Variants in CCDC192 observed in about 807,000 individuals in gnomAD.
The protein encoded by CCDC192 is coiled-coil domain containing 192, also known as coiled-coil domain-containing protein 192.
intron 5 of CCDC192, among the ~76,000 whole-genome samples, chr5:127,862,230 G>T (rs2127106930): frequency 6.6e-6 from 1 of 152,250 alleles, no homozygotes; most frequent in African/African-American, 2.4e-5. Context: ...TCTCTCTCAA[G>T]CTGAAACTGG....
At chr5:127,902,819 G>A (rs984535268) in intron 6 of CCDC192, among the ~76,000 whole-genome samples, 2 of 152,194 alleles carry the variant, frequency 1.3e-5, no homozygotes, top group Admixed American at 6.5e-5. Context: ...GTACCCTAGT[G>A]CTTCAGCAAT....
intron 5 of CCDC192, among the ~76,000 whole-genome samples, chr5:127,799,597 A>G (rs1716818580): frequency 6.6e-6 from 1 of 152,192 alleles, no homozygotes; most frequent in African/African-American, 2.4e-5. Context: ...GGGCAAATGT[A>G]TTCACTAAAG....
chr5:127,939,243 G>A (rs1055513188), intron 6 of CCDC192, among the ~76,000 whole-genome samples: 14 of 143,200 alleles, frequency 9.8e-5, no homozygotes, highest in Admixed American at 8.1e-4. Flanking sequence ...TCAGCCTCCC[G>A]AGTAGCTGGG....
intron 6 of CCDC192, among the ~76,000 whole-genome samples, chr5:127,909,301 A>G (rs776776364): frequency 1.5e-4 from 23 of 152,114 alleles, no homozygotes; most frequent in Non-Finnish European, 2.8e-4. Context: ...AAGTAGGAGC[A>G]CTTCTGTTTC....
chr5:127,884,613 C>A (rs1359617594), intron 6 of CCDC192, among the ~76,000 whole-genome samples: 1 of 152,000 alleles, frequency 6.6e-6, no homozygotes, highest in East Asian at 1.9e-4. Flanking sequence ...TTACTGCGGC[C>A]AAGGCAATGG....
chr5:127,899,965 C>G (rs1259953730), intron 6 of CCDC192, among the ~76,000 whole-genome samples: 1 of 152,168 alleles, frequency 6.6e-6, no homozygotes, highest in Non-Finnish European at 1.5e-5. Flanking sequence ...AGAAAACTGC[C>G]AAGCTGATTC....
intron 2 of CCDC192, among the ~76,000 whole-genome samples, chr5:127,717,588 G>T (rs1182985661): frequency 6.6e-6 from 1 of 151,802 alleles, no homozygotes; most frequent in South Asian, 2.1e-4. Flanking sequence ...TGCTGCAATT[G>T]ACTAAATTCT....
At chr5:127,903,512 G>T (rs1753110848) in intron 6 of CCDC192, among the ~76,000 whole-genome samples, 1 of 152,124 alleles carries the variant, frequency 6.6e-6, no homozygotes, top group African/African-American at 2.4e-5. Context: ...CAAAGTGCTG[G>T]GATTACAGGG....
intron 3 of CCDC192, among the ~76,000 whole-genome samples, chr5:127,772,466 C>CAA (rs34089281): frequency 1.2e-4 from 8 of 67,706 alleles, no homozygotes; most frequent in African/African-American, 1.6e-4. Context: ...GACTCTGTCA[C>CAA]AAAAAAAAAA....
At chr5:127,810,109 G>A (rs1428342930) in intron 5 of CCDC192, among the ~76,000 whole-genome samples, 5 of 152,310 alleles carry the variant, frequency 3.3e-5, no homozygotes, top group African/African-American at 4.8e-5. Context: ...GCCACTTTAA[G>A]TTTGCTAGTT....
chr5:127,800,168 A>G (rs924972072), intron 5 of CCDC192, among the ~76,000 whole-genome samples: 2 of 151,384 alleles, frequency 1.3e-5, no homozygotes, highest in Admixed American at 6.6e-5. Flanking sequence ...TCTATCTCCA[A>G]CCTCCTTTTC....
intron 5 of CCDC192, among the ~76,000 whole-genome samples, chr5:127,857,223 T>C (rs1307378872): frequency 6.6e-6 from 1 of 152,182 alleles, no homozygotes; most frequent in African/African-American, 2.4e-5. Context: ...CAGTGATCCT[T>C]ACATAGGGTT....
intron 1 of CCDC192, among the ~76,000 whole-genome samples, chr5:127,706,527 A>G (rs893968835): frequency 6.9e-6 from 1 of 145,582 alleles, no homozygotes; most frequent in African/African-American, 2.7e-5. Flanking sequence ...CCATCTCAGA[A>G]AAAAAAAAAA....
chr5:127,844,265 C>T (rs1750428088), intron 5 of CCDC192, among the ~76,000 whole-genome samples: 1 of 152,214 alleles, frequency 6.6e-6, no homozygotes, highest in South Asian at 2.1e-4. Context: ...ATACCTGAAG[C>T]TGTGCTAGCT....
At chr5:127,714,660 A>C (rs904714822) in intron 2 of CCDC192, among the ~76,000 whole-genome samples, 1 of 152,134 alleles carries the variant, frequency 6.6e-6, no homozygotes, top group African/African-American at 2.4e-5. Context: ...ATGAGCCACT[A>C]CGCCTGGCCA....
chr5:127,772,842 T>A lies in CCDC192; in HGVS notation c.222+18467T>A, dbSNP rs571257578. On this transcript the variant is annotated intron_variant, in intron 3 of 6. Transcript: ENST00000514853. ...AAGTTGGGTTTTAGTTAGCAAGAGA[T>A]AAAGGGGGAAAAAGACTCATGGGAA... Among the ~76,000 whole-genome samples the A allele has an allele frequency of 2.6e-5, 4 of 152,050 alleles. No individual in the cohort carries two copies. The East Asian group carries it at 7.7e-4, about 29-fold the overall frequency.
chr5:127,886,188 G>C (rs754776500), intron 6 of CCDC192, among the ~76,000 whole-genome samples: 5 of 152,170 alleles, frequency 3.3e-5, no homozygotes, highest in African/African-American at 1.2e-4. Context: ...GCCATGCCAA[G>C]CTATCATCTG....
At chr5:127,835,600 G>A (rs547454602) in intron 5 of CCDC192, among the ~76,000 whole-genome samples, 1 of 152,280 alleles carries the variant, frequency 6.6e-6, no homozygotes, top group African/African-American at 2.4e-5. Flanking sequence ...AGGTTTAATT[G>A]ACTCACAGTT....
chr5:127,714,624 C>T (rs1751520263), intron 2 of CCDC192, among the ~76,000 whole-genome samples: 4 of 152,180 alleles, frequency 2.6e-5, no homozygotes, highest in Admixed American at 2.6e-4. Flanking sequence ...TCTGCCTTGG[C>T]TTCCCAAATT....
Sources: gnomAD v4.1 joint callset for allele counts (sites outside exome capture counted in the v4.1 genomes callset) on GRCh38, gnomAD v4.1.1 for gene constraint, MANE v1.5 for transcripts, NCBI Gene and HGNC (gene_info 2026-07-23, HGNC 2026-07-21) for gene names.